The following DOCK2 variants were observed in gnomAD, a reference collection of about 807,000 sequenced individuals.
DOCK2 encodes dedicator of cytokinesis 2.
A neutral mutation model predicts 248.9 loss-of-function variants in DOCK2; 87 were observed. The ratio of observed to expected loss-of-function variants is 0.35; its 90% CI spans 0.29 to 0.42. The LOEUF (loss-of-function observed/expected upper bound fraction) is 0.42. Among genes scored for constraint, DOCK2 ranks in the 10% least tolerant of loss-of-function variants. The probability of loss-of-function intolerance (pLI) is 1.00; values close to 1 mark genes in which losing one functional copy is unlikely to be tolerated. For synonymous variants in DOCK2, 805 were observed against 821.6 expected, an observed-to-expected ratio of 0.98 and a Z score of 0.35; for missense variants, 1,747 against 2,300.2, an observed-to-expected ratio of 0.76 and a Z score of 4.92.
At chr5:169,728,338 T>G (rs1475306469) in intron 22 of DOCK2, among the ~76,000 whole-genome samples, 2 of 152,100 alleles carry the variant, frequency 1.3e-5, no homozygotes, top group Admixed American at 1.3e-4. Flanking sequence ...TTGAAATTGA[T>G]CCAAAGAGAT....
intron 3 of DOCK2, 136 bp from the exon 4 acceptor site, chr5:169,670,406 G>A: frequency 9.9e-7 from 1 of 1,010,428 alleles, no homozygotes; most frequent in South Asian, 1.8e-5. Context: ...CTGGCTCTGG[G>A]TTTATTCCTT....
intron 10 of DOCK2, among the ~76,000 whole-genome samples, chr5:169,696,538 T>C (rs1474721001): frequency 2.0e-5 from 3 of 152,256 alleles, no homozygotes; most frequent in Non-Finnish European, 2.9e-5. Flanking sequence ...TTACCAAATA[T>C]AGTTTCTTTT....
chr5:169,743,463 T>G (rs1012458264), intron 22 of DOCK2, among the ~76,000 whole-genome samples: 11 of 152,340 alleles, frequency 7.2e-5, no homozygotes, highest in Non-Finnish European at 7.3e-5. Context: ...ATCACTTCTG[T>G]GCTTAGGAAT....
chr5:169,746,308 C>A (rs13184159), intron 22 of DOCK2, among the ~76,000 whole-genome samples: 13,839 of 151,928 alleles, frequency 0.091, 1,113 homozygotes, highest in Admixed American at 0.28. Flanking sequence ...AGTAGAAAGA[C>A]GGGAAAGAAG....
chr5:169,943,383 C>T (rs1464256122), intron 27 of DOCK2, among the ~76,000 whole-genome samples: 1 of 151,972 alleles, frequency 6.6e-6, no homozygotes, highest in African/African-American at 2.4e-5. Flanking sequence ...GACCTGTGGC[C>T]CGCGGGCCAT....
chr5:169,911,373 G>A (rs138736497), intron 27 of DOCK2, among the ~76,000 whole-genome samples: 20 of 152,124 alleles, frequency 1.3e-4, no homozygotes, highest in Middle Eastern at 3.4e-3. Flanking sequence ...ATGCTATGGC[G>A]TTCACAGGAC....
At chr5:169,713,747 T>C (rs1052239700) in intron 17 of DOCK2, among the ~76,000 whole-genome samples, 1 of 152,204 alleles carries the variant, frequency 6.6e-6, no homozygotes, top group African/African-American at 2.4e-5. Context: ...AAATGTACTG[T>C]CTGGGAATTT....
chr5:169,903,087 A>G (rs1014483499), intron 27 of DOCK2, among the ~76,000 whole-genome samples: 15 of 150,444 alleles, frequency 1.0e-4, no homozygotes, highest in African/African-American at 3.7e-4. Flanking sequence ...ACAGAGCAAG[A>G]CTCCATCTCA....
At chr5:170,030,143 C>T (rs929816741) in intron 34 of DOCK2, among the ~76,000 whole-genome samples, 1 of 152,206 alleles carries the variant, frequency 6.6e-6, no homozygotes, top group African/African-American at 2.4e-5. Context: ...CTGGCAATTT[C>T]CATTTTTATA....
chr5:169,713,922 T>C, intron 17 of DOCK2, 106 bp from the exon 18 acceptor site: 1 of 1,321,592 alleles, frequency 7.6e-7, no homozygotes, highest in Non-Finnish European at 1.0e-6. Context: ...TTCTTCACTC[T>C]TTATGACTCT....
chr5:169,668,524 C>T (rs1056612005), intron 2 of DOCK2, among the ~76,000 whole-genome samples: 1 of 152,118 alleles, frequency 6.6e-6, no homozygotes, highest in African/African-American at 2.4e-5. Context: ...TAGTGAGGCT[C>T]CTGACAGACG....
At chr5:169,984,448 G>A (rs1045477325) in intron 28 of DOCK2, among the ~76,000 whole-genome samples, 2 of 152,178 alleles carry the variant, frequency 1.3e-5, no homozygotes, top group Non-Finnish European at 2.9e-5. Context: ...GCACTTAATC[G>A]TCACAGTCAC....
intron 27 of DOCK2, among the ~76,000 whole-genome samples, chr5:169,846,251 T>G (rs554595663): frequency 1.3e-5 from 2 of 152,288 alleles, no homozygotes; most frequent in Admixed American, 1.3e-4. Context: ...ACAGTTTTTT[T>G]CTTCTTTTCA....
rs147355794 is a variant in DOCK2, at chr5:169,818,846, G to T, written c.2703+15640G>T. On this transcript the variant is annotated intron_variant, in intron 26 of 51. Transcript: ENST00000520908. ...TAAATATTAATAATTTCAGGTGAGT[G>T]AATATAAATGCTCAATGTTCTGGGG... Among the ~76,000 whole-genome samples, 33 of 152,258 alleles carry T rather than the reference G, an allele frequency of 2.2e-4. No individual in the cohort carries two copies. The East Asian group carries it at 6.4e-3, about 29-fold the overall frequency.
chr5:169,752,451 G>T (rs1346075790), intron 23 of DOCK2, among the ~76,000 whole-genome samples: 5 of 152,056 alleles, frequency 3.3e-5, no homozygotes, highest in Non-Finnish European at 5.9e-5. Flanking sequence ...ATGAATGAAT[G>T]AATATGGCTG....
chr5:169,649,664 G>A (rs186769562), intron 1 of DOCK2, among the ~76,000 whole-genome samples: 20 of 152,278 alleles, frequency 1.3e-4, no homozygotes, highest in African/African-American at 4.1e-4. Context: ...GTTTGAATCC[G>A]CTTTCTGCCA....
chr5:170,075,796 C>G, intron 46 of DOCK2, 151 bp from the exon 47 acceptor site: 1 of 988,242 alleles, frequency 1.0e-6, no homozygotes, highest in East Asian at 2.5e-5. Context: ...TTTCCCATGG[C>G]TGGGGACCGT....
intron 27 of DOCK2, among the ~76,000 whole-genome samples, chr5:169,901,282 G>A (rs1341588484): frequency 6.6e-6 from 1 of 152,206 alleles, no homozygotes; most frequent in East Asian, 1.9e-4. Flanking sequence ...GGAAAGGCCA[G>A]CTTGGATGGA....
At chr5:169,659,147 G>C (rs974465043) in intron 2 of DOCK2, among the ~76,000 whole-genome samples, 8 of 151,678 alleles carry the variant, frequency 5.3e-5, no homozygotes, top group African/African-American at 1.9e-4. Flanking sequence ...CCACCTTGCC[G>C]GGCTTTCAAT....
Sources: allele counts gnomAD v4.1 joint callset (sites outside exome capture counted in the v4.1 genomes callset), GRCh38; gene constraint gnomAD v4.1.1; transcripts MANE v1.5; gene names NCBI Gene and HGNC (gene_info 2026-07-23, HGNC 2026-07-21).